CYP20A1: variants seen among roughly 807,000 people sequenced by gnomAD.
CYP20A1 encodes the protein cytochrome P450 family 20 subfamily A member 1.
A neutral mutation model predicts 61.4 loss-of-function variants in CYP20A1; 61 were observed. That is an observed-to-expected ratio of 0.99 (90% CI 0.81 to 1.23). The LOEUF is 1.23. Ranked by LOEUF, CYP20A1 falls within the 50% of genes most tolerant of loss-of-function variation. CYP20A1 has a pLI of 0.00. For missense variants in CYP20A1, 530 were observed against 542.4 expected, an observed-to-expected ratio of 0.98 and a Z score of 0.23; for synonymous variants, 193 against 188.2, an observed-to-expected ratio of 1.03 and a Z score of -0.21.
At chr2:203,245,794 C>T in intron 1 of CYP20A1, 52 bp from the exon 2 acceptor site, 1 of 1,102,580 alleles carries the variant, frequency 9.1e-7, no homozygotes, top group Non-Finnish European at 1.3e-6. Context: ...TGAAACACAT[C>T]TGACTTATGG....
At chr2:203,242,049 C>T (rs1201919863) in intron 1 of CYP20A1, among the ~76,000 whole-genome samples, 1 of 152,148 alleles carries the variant, frequency 6.6e-6, no homozygotes, top group Non-Finnish European at 1.5e-5. Flanking sequence ...ACCGTGTTGG[C>T]CAGGCTGGTT....
At chr2:203,293,233 T>TTTG (rs2068621355) in intron 11 of CYP20A1, among the ~76,000 whole-genome samples, 1 of 147,404 alleles carries the variant, frequency 6.8e-6, no homozygotes. Context: ...TTTTTTTTTT[T>TTTG]GAGATGGAGT....
At position 203,285,649 on chromosome 2, in the gene CYP20A1, A is replaced by G. The variant is rs2068233938; in HGVS notation, c.888A>G (p.Glu296=). ...CAATCTGTTTTTTAACCACCTCTGA[A>G]GAAGTTCAAAAAAAATTATATGAAG... is the stretch of plus-strand genomic sequence containing the variant. ...TWAICFLTTS[E]EVQKKLYEEI... is the part of the protein sequence containing the mutation. The change falls in exon 9 of 13, where the codon GAA becomes GAG. Residue 296 remains glutamate (E), a synonymous_variant. Coordinates refer to ENST00000356079, the MANE Select transcript of CYP20A1 (RefSeq NM_177538.3). The G allele has an allele frequency of 1.2e-6, 2 of 1,603,284 alleles. No homozygotes were observed. Among genetic ancestry groups the G allele is most frequent in the South Asian group, 1.1e-5 (1 of 88,264 alleles).
intron 1 of CYP20A1, among the ~76,000 whole-genome samples, chr2:203,241,935 A>G (rs1020939939): frequency 2.0e-5 from 3 of 152,148 alleles, no homozygotes; most frequent in African/African-American, 7.2e-5. Flanking sequence ...TCTGCCTCCC[A>G]GGTTCAAGCG....
At position 203,301,411 on chromosome 2, in the gene CYP20A1, G is replaced by A. The variant is rs893283271; in HGVS notation, c.*4503G>A. Among the ~76,000 whole-genome samples, 4 of 151,782 alleles carry A rather than the reference G, an allele frequency of 2.6e-5. No homozygotes were observed. The highest frequency in any genetic ancestry group is 5.9e-5 in the Non-Finnish European group (4 of 67,940). ...TGGGACTACATATGCATGCCACCAT[G>A]CCCAGCTGTTTTTTTGTTTGCTTGT... On this transcript the variant is annotated 3_prime_UTR_variant, in exon 13 of 13. Transcript: ENST00000356079.
Position 203,239,236 on chromosome 2 carries a change from C to CT in CYP20A1, c.72+103dup, listed in dbSNP as rs938936458. 7.0e-6 allele frequency: 7 copies of CT among 1,005,092 alleles called. No homozygotes were observed. In the African/African-American group the frequency reaches 9.5e-5, roughly 14 times the overall value. 62.3% of individuals were successfully genotyped at this position (1,005,092 alleles called of 1,614,324 possible). On this transcript the variant is annotated intron_variant, in intron 1 of 12. Coordinates refer to ENST00000356079, the MANE Select transcript of CYP20A1 (RefSeq NM_177538.3). ...CCGCTGCGGGCCGCAGGGGGCGGGCCTGAGAGGAGGGTTCGGGTTCGCTCC... is the reference window on the plus strand; with the variant it reads ...CCGCTGCGGGCCGCAGGGGGCGGGCCTTGAGAGGAGGGTTCGGGTTCGCTCC...
At position 203,299,311 on chromosome 2, in the gene CYP20A1, A is replaced by G. The variant is rs571049260; in HGVS notation, c.*2403A>G. Among the ~76,000 whole-genome samples the G allele has an allele frequency of 6.6e-6, 1 of 151,830 alleles. No homozygotes were observed. Among genetic ancestry groups the G allele is most frequent in the African/African-American group, 2.4e-5 (1 of 41,316 alleles). On this transcript the variant is annotated 3_prime_UTR_variant, in exon 13 of 13. Coordinates refer to ENST00000356079, the MANE Select transcript of CYP20A1 (RefSeq NM_177538.3). ...TTTGTAATTTTACTTTCAAGAATATACTCTGGTAGACTGAGGCGGGAGGAT... is the reference window on the plus strand; with the variant it reads ...TTTGTAATTTTACTTTCAAGAATATGCTCTGGTAGACTGAGGCGGGAGGAT...
chr2:203,263,547 CA>C (rs1261378522), intron 4 of CYP20A1, among the ~76,000 whole-genome samples: 1 of 152,162 alleles, frequency 6.6e-6, no homozygotes, highest in Non-Finnish European at 1.5e-5. Flanking sequence ...CTCGGCCCCC[CA>C]AAATGCTGGA....
intron 5 of CYP20A1, among the ~76,000 whole-genome samples, chr2:203,269,000 A>T (rs934900089): frequency 1.3e-5 from 2 of 152,234 alleles, no homozygotes; most frequent in African/African-American, 2.4e-5. Context: ...AGGTGTTAAA[A>T]TGTGAAAAAA....
intron 6 of CYP20A1, among the ~76,000 whole-genome samples, chr2:203,273,502 G>A (rs905312787): frequency 3.9e-5 from 6 of 152,026 alleles, no homozygotes; most frequent in Admixed American, 6.6e-5. Context: ...TAAATATTAC[G>A]GATATTTATA....
rs1183458561 is a variant in CYP20A1 at position 203,272,800 on chromosome 2, G to T, written c.679+52G>T. ...GAGGACAAAAAATAAATGTGCCCCA[G>T]TTTTAATAAAGTAATCTCTGAATAG... On this transcript the variant is annotated intron_variant, in intron 6 of 12. Coordinates refer to ENST00000356079, the MANE Select transcript of CYP20A1 (RefSeq NM_177538.3). The T allele has an allele frequency of 7.4e-6, 8 of 1,076,698 alleles. No homozygotes were observed. In the Admixed American group the frequency reaches 1.3e-4, roughly 18 times the overall value. 66.7% of individuals were successfully genotyped at this position (1,076,698 alleles called of 1,614,324 possible). A position where few individuals can be genotyped will look rare whatever the true frequency, so the allele number is the denominator to read the frequency against.
At chr2:203,250,995 C>T (rs1050180297) in intron 3 of CYP20A1, among the ~76,000 whole-genome samples, 6 of 124,988 alleles carry the variant, frequency 4.8e-5, no homozygotes, top group African/African-American at 1.5e-4. Context: ...ACCCGGGAGG[C>T]GGAGCTTGCG....
chr2:203,305,663 A>C lies in CYP20A1; in HGVS notation c.*8755A>C, dbSNP rs2069188027. 6.6e-6 allele frequency: 1 copy of C among 152,200 alleles called. No homozygotes were observed. Among genetic ancestry groups the C allele is most frequent in the African/African-American group, 2.4e-5 (1 of 41,454 alleles). 9.4% of individuals were successfully genotyped at this position (152,200 alleles called of 1,614,324 possible). ...TATCTACATCTAAAATACTTATTTT[A>C]ATTTTAAACACTTGATGGTATGAAA... On this transcript the variant is annotated 3_prime_UTR_variant, in exon 13 of 13. Coordinates refer to ENST00000356079, the MANE Select transcript of CYP20A1 (RefSeq NM_177538.3).
At chr2:203,288,127 G>A (rs1338974659) in intron 9 of CYP20A1, among the ~76,000 whole-genome samples, 63 of 129,820 alleles carry the variant, frequency 4.9e-4, no homozygotes, top group African/African-American at 1.7e-3. Flanking sequence ...TTGCAGTGGC[G>A]CAATCTCAGC....
chr2:203,290,185 C>T (rs2152108994), intron 10 of CYP20A1, among the ~76,000 whole-genome samples: 1 of 152,250 alleles, frequency 6.6e-6, no homozygotes, highest in East Asian at 1.9e-4. Context: ...AGGTGATCTG[C>T]CAACCTTGGC....
At chr2:203,266,222 G>A (rs6714078) in intron 4 of CYP20A1, among the ~76,000 whole-genome samples, 140,694 of 152,164 alleles carry the variant, frequency 0.92, 65,304 homozygotes, top group Non-Finnish European at 0.96. Flanking sequence ...TTTAATTTCC[G>A]TTGGGTTTAA....
intron 9 of CYP20A1, 92 bp downstream of exon 9, chr2:203,285,824 C>T: frequency 2.5e-6 from 3 of 1,199,588 alleles, no homozygotes; most frequent in Non-Finnish European, 1.1e-6. Context: ...AGGAAAGCTA[C>T]ATATTTTTAT....
rs1215979787 is a variant in CYP20A1 at position 203,271,073 on chromosome 2, TATATATATA to T, written c.601-1596_601-1588del. On this transcript the variant is annotated intron_variant, in intron 5 of 12. Transcript: ENST00000356079. ...ATATGTGTATATATATATATATATA[TATATATATA>T]TTTTTTTTTTTTTTTTTTTTTTTGA... 1.8e-3 allele frequency among the ~76,000 whole-genome samples: 145 copies of T among 78,864 alleles called. 1 individual carries two copies. The highest frequency in any genetic ancestry group is 2.6e-3 in the Non-Finnish European group (102 of 39,030). The allele number at this position is 78,864 out of a possible 152,430, so 51.7% of individuals were successfully genotyped here. A position where few individuals can be genotyped will look rare whatever the true frequency, so the allele number is the denominator to read the frequency against.
At chr2:203,265,721 C>T (rs746294910) in intron 4 of CYP20A1, among the ~76,000 whole-genome samples, 6 of 152,076 alleles carry the variant, frequency 3.9e-5, no homozygotes, top group Non-Finnish European at 7.4e-5. Flanking sequence ...GACAGAGTCT[C>T]GCTCTTTCAC....
Sources: gnomAD v4.1 joint callset for allele counts (sites outside exome capture counted in the v4.1 genomes callset) on GRCh38, gnomAD v4.1.1 for gene constraint, MANE v1.5 for transcripts, NCBI Gene and HGNC (gene_info 2026-07-23, HGNC 2026-07-21) for gene names.